Variants in DPP10 observed in about 807,000 individuals in gnomAD.
DPP10 encodes the protein dipeptidyl peptidase like 10.
DPP10 carries 33 observed loss-of-function variants against 120.9 expected under a neutral mutation model. That is an observed-to-expected ratio of 0.27 (90% CI 0.21 to 0.37). The LOEUF is 0.37. DPP10 is among the 10% of genes least tolerant of loss of function. The probability of loss-of-function intolerance (pLI) is 1.00; values close to 1 mark genes in which losing one functional copy is unlikely to be tolerated. For synonymous variants in DPP10, 337 were observed against 326.1 expected (o/e 1.03, Z -0.36); for missense variants, 816 against 942.8 (o/e 0.87, Z 1.76).
At chr2:115,783,495 A>G (rs969639553) in intron 17 of DPP10, among the ~76,000 whole-genome samples, 3 of 152,176 alleles carry the variant, frequency 2.0e-5, no homozygotes, top group African/African-American at 7.2e-5. Context: ...TCATTTTGAG[A>G]AAACAGACCA....
chr2:115,741,841 G>A (rs528953688), intron 9 of DPP10, among the ~76,000 whole-genome samples: 7 of 152,016 alleles, frequency 4.6e-5, no homozygotes, highest in Non-Finnish European at 8.8e-5. Context: ...GCCATGCCTA[G>A]GCCTCATAAT....
intron 1 of DPP10, among the ~76,000 whole-genome samples, chr2:114,663,325 ATGAG>A (rs1406003158): frequency 2.7e-5 from 4 of 150,110 alleles, no homozygotes; most frequent in Non-Finnish European, 5.9e-5. Flanking sequence ...TATGTATGAA[ATGAG>A]TGAGCTCTGG....
At chr2:115,327,126 A>G (rs11678564) in intron 2 of DPP10, among the ~76,000 whole-genome samples, 109,378 of 151,864 alleles carry the variant, frequency 0.72, 40,018 homozygotes, top group Non-Finnish European at 0.78. Context: ...AGATACACAA[A>G]TAGTTACCAT....
intron 1 of DPP10, among the ~76,000 whole-genome samples, chr2:114,705,655 A>C (rs1700643117): frequency 6.6e-6 from 1 of 152,214 alleles, no homozygotes; most frequent in Non-Finnish European, 1.5e-5. Flanking sequence ...CTACAGTATC[A>C]AGGATTTAAT....
intron 5 of DPP10, among the ~76,000 whole-genome samples, chr2:115,573,873 G>A (rs978672994): frequency 6.6e-6 from 1 of 151,916 alleles, no homozygotes; most frequent in African/African-American, 2.4e-5. Flanking sequence ...TTAAACTCTT[G>A]GTTTCTAGTG....
At chr2:115,699,324 G>T (rs1251300896) in intron 7 of DPP10, among the ~76,000 whole-genome samples, 2 of 152,176 alleles carry the variant, frequency 1.3e-5, no homozygotes, top group Non-Finnish European at 2.9e-5. Context: ...GGCTTCATGG[G>T]TGAATTCTAC....
intron 1 of DPP10, chr2:115,161,885 A>T: frequency 1.5e-6 from 2 of 1,338,092 alleles, no homozygotes; most frequent in Non-Finnish European, 1.9e-6. Flanking sequence ...GTGACCTGCG[A>T]ACGCTGCCAA....
chr2:115,091,211 C>G (rs1319557813), intron 1 of DPP10, among the ~76,000 whole-genome samples: 1 of 152,172 alleles, frequency 6.6e-6, no homozygotes, highest in East Asian at 1.9e-4. Context: ...GTACGACTTC[C>G]TCTCCTGTTC....
At chr2:114,963,066 A>G (rs940933617) in intron 1 of DPP10, among the ~76,000 whole-genome samples, 2 of 152,226 alleles carry the variant, frequency 1.3e-5, no homozygotes, top group African/African-American at 2.4e-5. Flanking sequence ...AGCATTTAAA[A>G]ATATTCTTAA....
intron 3 of DPP10, among the ~76,000 whole-genome samples, chr2:115,417,508 A>T (rs1327213475): frequency 2.0e-5 from 3 of 152,204 alleles, no homozygotes; most frequent in African/African-American, 7.2e-5. Flanking sequence ...ACTATTTTAT[A>T]CCAAAGCAGT....
chr2:115,778,157 A>G (rs747459359), intron 15 of DPP10, among the ~76,000 whole-genome samples: 6 of 152,030 alleles, frequency 3.9e-5, no homozygotes, highest in Non-Finnish European at 8.8e-5. Flanking sequence ...TCGTGCCTTC[A>G]TCTTCTGCTA....
chr2:114,845,634 G>A (rs1688492395), intron 1 of DPP10, among the ~76,000 whole-genome samples: 1 of 152,146 alleles, frequency 6.6e-6, no homozygotes, highest in African/African-American at 2.4e-5. Flanking sequence ...GTCTCACTCA[G>A]CTGGATGGCA....
At chr2:114,950,920 G>T (rs1048876015) in intron 1 of DPP10, among the ~76,000 whole-genome samples, 5 of 152,110 alleles carry the variant, frequency 3.3e-5, no homozygotes, top group Admixed American at 3.3e-4. Context: ...TTACATTTAT[G>T]TCAATTCTTT....
intron 5 of DPP10, among the ~76,000 whole-genome samples, chr2:115,561,420 T>C (rs1177043558): frequency 1.4e-5 from 2 of 145,918 alleles, no homozygotes; most frequent in Non-Finnish European, 3.0e-5. Flanking sequence ...CCCATTGCGG[T>C]GTTATCACGT....
At chr2:115,351,282 A>C (rs547694121) in intron 3 of DPP10, among the ~76,000 whole-genome samples, 3 of 152,262 alleles carry the variant, frequency 2.0e-5, no homozygotes, top group African/African-American at 7.2e-5. Flanking sequence ...AGAAAGCTAA[A>C]TATCACACAT....
At chr2:115,798,759 G>T (rs1684827737) in intron 19 of DPP10, among the ~76,000 whole-genome samples, 1 of 152,054 alleles carries the variant, frequency 6.6e-6, no homozygotes, top group Non-Finnish European at 1.5e-5. Flanking sequence ...ATATAGTAAA[G>T]TTTTAATCAA....
intron 1 of DPP10, among the ~76,000 whole-genome samples, chr2:114,806,741 G>A (rs1423193208): frequency 6.6e-6 from 1 of 152,142 alleles, no homozygotes; most frequent in Non-Finnish European, 1.5e-5. Flanking sequence ...TGGTAATATT[G>A]AAATGAATAA....
chr2:115,311,124 G>A (rs1420911225), intron 2 of DPP10, among the ~76,000 whole-genome samples: 1 of 152,150 alleles, frequency 6.6e-6, no homozygotes, highest in Non-Finnish European at 1.5e-5. Flanking sequence ...TTATTCATTT[G>A]TTAAAGCAAG....
chr2:115,389,226 C>T (rs2067160136), intron 3 of DPP10, among the ~76,000 whole-genome samples: 1 of 151,886 alleles, frequency 6.6e-6, no homozygotes, highest in Non-Finnish European at 1.5e-5. Context: ...GCAACATTCC[C>T]TCTGCCTGCA....
Sources: allele counts gnomAD v4.1 joint callset (sites outside exome capture counted in the v4.1 genomes callset), GRCh38; gene constraint gnomAD v4.1.1; transcripts MANE v1.5; gene names NCBI Gene and HGNC (gene_info 2026-07-23, HGNC 2026-07-21).